The following KCNJ16 variants were observed in gnomAD, a reference collection of about 807,000 sequenced individuals.
KCNJ16 encodes inward rectifier potassium channel 16.
A neutral mutation model predicts 18.5 loss-of-function variants in KCNJ16; 15 were observed. That is an observed-to-expected ratio of 0.81 (90% CI 0.54 to 1.25). KCNJ16 has a LOEUF of 1.25. KCNJ16 is among the 50% of genes most tolerant of loss of function. The pLI, the probability that KCNJ16 is intolerant of heterozygous loss-of-function variation, is 0.00. For synonymous variants in KCNJ16, 174 were observed against 186.5 expected (o/e 0.93, Z 0.55); for missense variants, 523 against 525.7 (o/e 0.99, Z 0.05).
intron 2 of KCNJ16, among the ~76,000 whole-genome samples, chr17:70,109,692 A>G (rs1401070752): frequency 6.6e-6 from 1 of 152,186 alleles, no homozygotes; most frequent in Non-Finnish European, 1.5e-5. Flanking sequence ...CCAAGAACAG[A>G]AAATGCCACA....
At position 70,134,629 on chromosome 17, in the gene KCNJ16, A is replaced by T. The variant is rs2074168785; in HGVS notation, c.*1285A>T. ...CATCCACTGAGTAAAGAGTCACTTTAAACTTTATAAATCAAAGAGATATTA... is the reference window on the plus strand; with the variant it reads ...CATCCACTGAGTAAAGAGTCACTTTTAACTTTATAAATCAAAGAGATATTA... On this transcript the variant is annotated 3_prime_UTR_variant, in exon 4 of 4. Coordinates refer to ENST00000392671, the MANE Select transcript of KCNJ16 (RefSeq NM_170741.4). The T allele has an allele frequency of 6.0e-6, 1 of 167,088 alleles. No homozygotes were observed. Among genetic ancestry groups the T allele is most frequent in the South Asian group, 2.1e-4 (1 of 4,836 alleles). 10.4% of individuals were successfully genotyped at this position (167,088 alleles called of 1,614,324 possible). A position where few individuals can be genotyped will look rare whatever the true frequency, so the allele number is the denominator to read the frequency against.
intron 2 of KCNJ16, among the ~76,000 whole-genome samples, chr17:70,112,924 T>C (rs1035548962): frequency 6.6e-6 from 1 of 152,210 alleles, no homozygotes; most frequent in East Asian, 1.9e-4. Context: ...CAAATTTTCA[T>C]AGGCAGATTA....
rs535933801 is a variant in KCNJ16 at position 70,126,153 on chromosome 17, T to A, written c.-190-4726T>A. Among the ~76,000 whole-genome samples, 8 of 152,318 alleles carry A rather than the reference T, an allele frequency of 5.3e-5. No individual in the cohort carries two copies. The East Asian group carries it at 9.6e-4, about 18-fold the overall frequency. On this transcript the variant is annotated intron_variant, in intron 2 of 3. Coordinates refer to ENST00000392671, the MANE Select transcript of KCNJ16 (RefSeq NM_170741.4). The stretch of plus-strand genomic sequence containing the variant: ...GTTAATTCTTGTGTAACTACAGTCT[T>A]CTGCAAGAATTTATATTATTATCTT...
chr17:70,124,013 C>T (rs1164879938), intron 2 of KCNJ16, among the ~76,000 whole-genome samples: 1 of 152,118 alleles, frequency 6.6e-6, no homozygotes, highest in African/African-American at 2.4e-5. Flanking sequence ...TTAAAATTAG[C>T]TTAGAAAGAG....
chr17:70,087,065 C>CTTTT (rs142092333), intron 1 of KCNJ16, among the ~76,000 whole-genome samples: 4 of 140,938 alleles, frequency 2.8e-5, no homozygotes, highest in African/African-American at 5.2e-5. Flanking sequence ...CACCTAGCTA[C>CTTTT]TTTTTTTTTT....
intron 1 of KCNJ16, chr17:70,096,859 A>G (rs2072399128): frequency 5.0e-6 from 2 of 398,134 alleles, no homozygotes; most frequent in Non-Finnish European, 8.9e-6. Flanking sequence ...GTTTTTGGAT[A>G]TAAACTTTAT....
chr17:70,076,918 T>C (rs557016299), intron 1 of KCNJ16, among the ~76,000 whole-genome samples: 1 of 152,212 alleles, frequency 6.6e-6, no homozygotes, highest in Non-Finnish European at 1.5e-5. Context: ...AGTTCCAGCA[T>C]AAGAAGATCA....
At chr17:70,103,768 G>A (rs2072782160) in intron 2 of KCNJ16, among the ~76,000 whole-genome samples, 1 of 151,758 alleles carries the variant, frequency 6.6e-6, no homozygotes, top group Admixed American at 6.6e-5. Context: ...TTGTCTCCTT[G>A]ACATGTTCAT....
At chr17:70,106,362 A>G (rs1391480707) in intron 2 of KCNJ16, among the ~76,000 whole-genome samples, 3 of 152,170 alleles carry the variant, frequency 2.0e-5, no homozygotes, top group South Asian at 2.1e-4. Flanking sequence ...ACTAGTATCT[A>G]TATCTTAGAT....
chr17:70,122,881 A>G (rs2073702159), intron 2 of KCNJ16, among the ~76,000 whole-genome samples: 1 of 152,160 alleles, frequency 6.6e-6, no homozygotes, highest in Non-Finnish European at 1.5e-5. Flanking sequence ...GCCCTGCCGC[A>G]CATGAAGGGT....
At chr17:70,096,565 A>G (rs1159205660) in intron 1 of KCNJ16, 1 of 176,908 alleles carries the variant, frequency 5.7e-6, no homozygotes, top group African/African-American at 2.3e-5. Context: ...CAAAGTTCCA[A>G]TATGTAATGC....
At chr17:70,125,467 G>A (rs2073819524) in intron 2 of KCNJ16, among the ~76,000 whole-genome samples, 1 of 152,214 alleles carries the variant, frequency 6.6e-6, no homozygotes, top group African/African-American at 2.4e-5. Context: ...AGCACCCTTT[G>A]AGAGAGTGAA....
chr17:70,102,359 C>T (rs2072681733), intron 2 of KCNJ16: 1 of 150,490 alleles, frequency 6.6e-6, no homozygotes, highest in Non-Finnish European at 1.5e-5. Context: ...TCCCGAGTAG[C>T]TGGGACTACA....
chr17:70,105,952 C>T (rs984306896), intron 2 of KCNJ16, among the ~76,000 whole-genome samples: 23 of 152,216 alleles, frequency 1.5e-4, no homozygotes, highest in African/African-American at 5.3e-4. Context: ...AATCCCTCCC[C>T]TGCCTTTTAA....
rs1266295112 is a variant in KCNJ16 at position 70,124,980 on chromosome 17, A to G, written c.-190-5899A>G. Among the ~76,000 whole-genome samples, 38 of 152,076 alleles carry G rather than the reference A, an allele frequency of 2.5e-4. 1 individual carries two copies. The highest frequency in any genetic ancestry group is 2.3e-3 in the Admixed American group (35 of 15,264). On this transcript the variant is annotated intron_variant, in intron 2 of 3. Transcript: ENST00000392671. ...TAGTGATGGTTGTAAAAAGAAAGGA[A>G]AGTTGGCTGGGCACAGTGGCTCACA... is the stretch of plus-strand genomic sequence containing the variant.
chr17:70,129,937 T>TA (rs2074000198), intron 2 of KCNJ16, among the ~76,000 whole-genome samples: 2 of 143,292 alleles, frequency 1.4e-5, no homozygotes. Context: ...TTTATTTATT[T>TA]ATTTATTTAT....
intron 1 of KCNJ16, among the ~76,000 whole-genome samples, chr17:70,091,227 C>T (rs973823577): frequency 6.6e-6 from 1 of 152,164 alleles, no homozygotes; most frequent in African/African-American, 2.4e-5. Flanking sequence ...ACTCATTTGA[C>T]CATCATCTGT....
intron 1 of KCNJ16, among the ~76,000 whole-genome samples, chr17:70,080,290 T>A (rs8070024): frequency 0.9 from 136,623 of 152,236 alleles, 61,429 homozygotes; most frequent in East Asian, 1. Context: ...AGAAACCATG[T>A]GATTAACATC....
chr17:70,125,587 A>G (rs999931298), intron 2 of KCNJ16, among the ~76,000 whole-genome samples: 2 of 152,162 alleles, frequency 1.3e-5, no homozygotes, highest in African/African-American at 2.4e-5. Flanking sequence ...TGCGCAAGAA[A>G]GAATTCGGGG....
Sources: gnomAD v4.1 joint callset for allele counts (sites outside exome capture counted in the v4.1 genomes callset) on GRCh38, gnomAD v4.1.1 for gene constraint, MANE v1.5 for transcripts, NCBI Gene and HGNC (gene_info 2026-07-23, HGNC 2026-07-21) for gene names.